The following GPR137B variants were observed in gnomAD, a reference collection of about 807,000 sequenced individuals.
GPR137B encodes the protein G protein-coupled receptor 137B.
GPR137B carries 42 observed loss-of-function variants against 42.5 expected under a neutral mutation model. The observed-to-expected ratio is 0.99, with a 90% CI of 0.77 to 1.28. The LOEUF (loss-of-function observed/expected upper bound fraction) is 1.28, where lower values mean the gene tolerates loss of function less well. Ranked by LOEUF, GPR137B falls within the 50% of genes most tolerant of loss-of-function variation. GPR137B has a pLI of 0.00. For synonymous variants in GPR137B, 218 were observed against 209.7 expected, an observed-to-expected ratio of 1.04 and a Z score of -0.34; for missense variants, 487 against 493.9, an observed-to-expected ratio of 0.99 and a Z score of 0.13.
In GPR137B at chr1:236,168,701, T is replaced by C; in HGVS notation, c.415-5T>C. 6.2e-7 allele frequency: 1 copy of C among 1,610,796 alleles called. No individual in the cohort carries two copies. The highest frequency in any genetic ancestry group is 1.3e-5 in the African/African-American group (1 of 75,000). On this transcript the variant is annotated splice_region_variant and splice_polypyrimidine_tract_variant and intron_variant, in intron 1 of 6. Transcript: ENST00000366592. ...CCAACCTGCCATGCTTTTCTGTCGT[T>C]GCAGGTGATTTTCAAAGCCAAGTCA...
intron 1 of GPR137B, among the ~76,000 whole-genome samples, chr1:236,164,058 C>G (rs915756381): frequency 6.6e-6 from 1 of 151,730 alleles, no homozygotes; most frequent in Non-Finnish European, 1.5e-5. Context: ...CCTCTCCACA[C>G]CTCCCCATGC....
chr1:236,157,589 A>G (rs1571967321), intron 1 of GPR137B, among the ~76,000 whole-genome samples: 1 of 152,136 alleles, frequency 6.6e-6, no homozygotes, highest in East Asian at 1.9e-4. Flanking sequence ...GTGGCCTGTT[A>G]TATAGGAGTA....
At chr1:236,157,399 A>G (rs891229987) in intron 1 of GPR137B, among the ~76,000 whole-genome samples, 2 of 151,862 alleles carry the variant, frequency 1.3e-5, no homozygotes, top group Non-Finnish European at 2.9e-5. Context: ...AATTTTTTGT[A>G]TTTTTAGTAG....
chr1:236,198,169 G>A (rs1025095968), intron 5 of GPR137B, among the ~76,000 whole-genome samples: 1 of 152,026 alleles, frequency 6.6e-6, no homozygotes, highest in Non-Finnish European at 1.5e-5. Context: ...GGTTCCATAC[G>A]AATTTTAGAA....
chr1:236,142,601 G>T lies in GPR137B; in HGVS notation c.-22G>T. ...GCGATGCGCGGAGACCCCCGCGGGGGCGGCGGCGGCCGTGAGCCCCGATGA... is the reference window on the plus strand; with the variant it reads ...GCGATGCGCGGAGACCCCCGCGGGGTCGGCGGCGGCCGTGAGCCCCGATGA... On this transcript the variant is annotated 5_prime_UTR_variant, in exon 1 of 7. Coordinates refer to ENST00000366592, the MANE Select transcript of GPR137B (RefSeq NM_003272.4). 1.5e-6 allele frequency: 2 copies of T among 1,290,634 alleles called. No homozygotes were observed. The highest frequency in any genetic ancestry group is 2.0e-6 in the Non-Finnish European group (2 of 1,023,610). The allele number at this position is 1,290,634 out of a possible 1,614,324, so 79.9% of individuals were successfully genotyped here. A position where few individuals can be genotyped will look rare whatever the true frequency, so the allele number is the denominator to read the frequency against.
chr1:236,147,069 A>G (rs1395854526), intron 1 of GPR137B, among the ~76,000 whole-genome samples: 1 of 152,204 alleles, frequency 6.6e-6, no homozygotes, highest in African/African-American at 2.4e-5. Flanking sequence ...TCGGCTTCCC[A>G]AAGTGCTGGG....
At chr1:236,161,398 C>G (rs1662190707) in intron 1 of GPR137B, among the ~76,000 whole-genome samples, 1 of 152,046 alleles carries the variant, frequency 6.6e-6, no homozygotes, top group South Asian at 2.1e-4. Context: ...AGTCCACATG[C>G]AGGTTCACAC....
intron 2 of GPR137B, among the ~76,000 whole-genome samples, chr1:236,170,906 G>A (rs1457188021): frequency 6.6e-6 from 1 of 151,520 alleles, no homozygotes; most frequent in Non-Finnish European, 1.5e-5. Context: ...AGCCTAAGGG[G>A]TGGAGATTGC....
intron 5 of GPR137B, among the ~76,000 whole-genome samples, chr1:236,196,246 TC>T (rs1215917902): frequency 6.6e-6 from 1 of 152,112 alleles, no homozygotes; most frequent in Non-Finnish European, 1.5e-5. Context: ...TTCAAGTGAT[TC>T]TCCTGCGTCA....
chr1:236,145,183 A>G (rs1423032010), intron 1 of GPR137B, among the ~76,000 whole-genome samples: 1 of 152,174 alleles, frequency 6.6e-6, no homozygotes, highest in Non-Finnish European at 1.5e-5. Flanking sequence ...CTTAGTGACA[A>G]AACTGTGATA....
At chr1:236,181,964 C>G (rs1224500306) in intron 4 of GPR137B, among the ~76,000 whole-genome samples, 3 of 148,116 alleles carry the variant, frequency 2.0e-5, no homozygotes, top group Non-Finnish European at 4.4e-5. Flanking sequence ...ACAATCTTGG[C>G]TCACTGCAAC....
At chr1:236,196,277 CT>C (rs1663327890) in intron 5 of GPR137B, among the ~76,000 whole-genome samples, 1 of 151,860 alleles carries the variant, frequency 6.6e-6, no homozygotes, top group Admixed American at 6.6e-5. Context: ...GTAGCTGGGA[CT>C]ACAGGCATGA....
chr1:236,171,006 G>A lies in GPR137B; in HGVS notation c.464+2251G>A, dbSNP rs1162119860. On this transcript the variant is annotated intron_variant, in intron 2 of 6. Coordinates refer to ENST00000366592, the MANE Select transcript of GPR137B (RefSeq NM_003272.4). This position sits in a 1 kb window ranked among gnomAD's most constrained non-coding sequence, Gnocchi z 4.4. ...AAAAAAAAAGGAAAAAGATATTTTTGTATACATAATGAGAGATGGGGGGAT... is the reference window on the plus strand; with the variant it reads ...AAAAAAAAAGGAAAAAGATATTTTTATATACATAATGAGAGATGGGGGGAT... 1.3e-5 allele frequency among the ~76,000 whole-genome samples: 2 copies of A among 148,534 alleles called. No homozygotes were observed. Among genetic ancestry groups the A allele is most frequent in the African/African-American group, 2.5e-5 (1 of 39,796 alleles).
intron 4 of GPR137B, among the ~76,000 whole-genome samples, chr1:236,180,567 A>T (rs1259876828): frequency 6.6e-6 from 1 of 152,104 alleles, no homozygotes; most frequent in East Asian, 1.9e-4. Context: ...ATGTATCCAC[A>T]TACATGTGTA....
rs373976925 is a variant in GPR137B at position 236,183,862 on chromosome 1, T to G, written c.922T>G (p.Leu308Val). Residue 308 changes from leucine (L) to valine (V), a missense_variant, in exon 5 of 7, where the codon TTA (leucine) becomes GTA (valine). Transcript: ENST00000366592. ...LFVWELLPTT[L>V]VVYFFRVRNP... is the part of the protein sequence containing the mutation. ...TGTTTGGGAACTCTTACCTACCACC[T>G]TAGTCGTTTATTTCTTCCGAGTTAG... 2.5e-5 allele frequency: 40 copies of G among 1,606,698 alleles called. No individual in the cohort carries two copies. In the African/African-American group the frequency reaches 4.8e-4, roughly 19 times the overall value.
At position 236,156,184 on chromosome 1, in the gene GPR137B, G is replaced by A. The variant is rs958291249; in HGVS notation, c.415-12522G>A. ...GAAGAAGCTCACTGAAGTCTGGGGG[G>A]CCCACATTCCAAGGGCCAGCACGAG... On this transcript the variant is annotated intron_variant, in intron 1 of 6. Transcript: ENST00000366592. The surrounding 1 kb of genome is among the most constrained non-coding windows in gnomAD (Gnocchi z 4.8). 6.6e-6 allele frequency among the ~76,000 whole-genome samples: 1 copy of A among 152,178 alleles called. No individual in the cohort carries two copies. The highest frequency in any genetic ancestry group is 1.5e-5 in the Non-Finnish European group (1 of 68,040).
chr1:236,157,368 C>T (rs561347791), intron 1 of GPR137B, among the ~76,000 whole-genome samples: 6 of 152,248 alleles, frequency 3.9e-5, no homozygotes, highest in Non-Finnish European at 7.4e-5. Flanking sequence ...GGACTACAGG[C>T]GCCCGCCACC....
intron 5 of GPR137B, among the ~76,000 whole-genome samples, chr1:236,202,382 GA>G (rs1350017126): frequency 6.6e-6 from 1 of 152,054 alleles, no homozygotes; most frequent in Non-Finnish European, 1.5e-5. Context: ...CTCCAGCCAG[GA>G]GGTGGCACTT....
rs1663725493 is a variant in GPR137B at position 236,208,277 on chromosome 1, A to G, written c.*119A>G. 5 of 1,473,728 alleles carry G rather than the reference A, an allele frequency of 3.4e-6. No individual in the cohort carries two copies. Among genetic ancestry groups the G allele is most frequent in the East Asian group, 2.5e-5 (1 of 40,538 alleles). The allele number at this position is 1,473,728 out of a possible 1,614,324, so 91.3% of individuals were successfully genotyped here. ...ATAGAACTTGATTTTTATTTGTTAC[A>G]GGTTTCCAATGGCCCCATAGGAATA... is the stretch of plus-strand genomic sequence containing the variant. On this transcript the variant is annotated 3_prime_UTR_variant, in exon 7 of 7. Coordinates refer to ENST00000366592, the MANE Select transcript of GPR137B (RefSeq NM_003272.4).
Sources: allele counts gnomAD v4.1 joint callset (sites outside exome capture counted in the v4.1 genomes callset), GRCh38; gene constraint gnomAD v4.1.1; non-coding constraint Gnocchi (gnomAD v3.1); transcripts MANE v1.5; gene names NCBI Gene and HGNC (gene_info 2026-07-23, HGNC 2026-07-21).